The following NHERF2 variants were observed in gnomAD, a reference collection of about 807,000 sequenced individuals.
NHERF2 encodes the protein NHERF family PDZ scaffold protein 2, also known as Na(+)/H(+) exchange regulatory cofactor NHE-RF2.
the NHERF2 span, among the ~76,000 whole-genome samples, chr16:2,030,678 CCTGTAATCCCAACACTTCGGGAGG>C: frequency 6.6e-6 from 1 of 151,000 alleles, no homozygotes; most frequent in Non-Finnish European, 1.5e-5. Context: ...GTGGCTCACG[CCTGTAATCCCAACACTTCGGGAGG>C]CTGAGATGGG....
the NHERF2 span, among the ~76,000 whole-genome samples, chr16:2,030,616 AC>A: frequency 1.6e-5 from 2 of 127,238 alleles, no homozygotes; most frequent in African/African-American, 6.6e-5. Flanking sequence ...GTTCTCTCCT[AC>A]CTTTTTTTTT....
chr16:2,033,285 GGGTCGGCC>G, the NHERF2 span: 4 of 1,531,662 alleles, frequency 2.6e-6, no homozygotes, highest in South Asian at 1.2e-5. Context: ...GTGGCAGCCT[GGGTCGGCC>G]AGAGAGTTCA....
At chr16:2,034,015 G>C in the NHERF2 span, among the ~76,000 whole-genome samples, 1 of 152,188 alleles carries the variant, frequency 6.6e-6, no homozygotes. Context: ...GGGGTGGCCA[G>C]AATGACCCTG....
chr16:2,034,006 G>A, the NHERF2 span, among the ~76,000 whole-genome samples: 1 of 152,160 alleles, frequency 6.6e-6, no homozygotes, highest in Non-Finnish European at 1.5e-5. Context: ...AGAGGCAGAG[G>A]GGTGGCCAGA....
At chr16:2,035,775 C>A in the NHERF2 span, 2 of 760,780 alleles carry the variant, frequency 2.6e-6, no homozygotes, top group Non-Finnish European at 3.2e-6. Context: ...CCACACTAAG[C>A]TCCTGCCCCA....
chr16:2,033,794 G>A, the NHERF2 span, among the ~76,000 whole-genome samples: 4 of 152,132 alleles, frequency 2.6e-5, no homozygotes, highest in African/African-American at 7.2e-5. Flanking sequence ...AACGCCGCCC[G>A]AGCTCCTCGG....
the NHERF2 span, chr16:2,038,842 C>T: frequency 6.4e-6 from 1 of 155,838 alleles, no homozygotes; most frequent in Non-Finnish European, 1.4e-5. Flanking sequence ...AGAGCGGCAC[C>T]CGGGAAGGAC....
the NHERF2 span, chr16:2,032,823 G>GGCCC: frequency 1.0e-6 from 1 of 997,330 alleles, no homozygotes; most frequent in East Asian, 1.1e-4. The surrounding 1 kb of genome is among the most constrained non-coding windows in gnomAD (Gnocchi z 4.0). Context: ...AGCGGTGCCA[G>GGCCC]GCCCTGGAGG....
the NHERF2 span, chr16:2,037,561 G>A: frequency 0.044 from 71,038 of 1,612,118 alleles, 1,881 homozygotes; most frequent in African/African-American, 0.11. Flanking sequence ...CTGCGTGCTC[G>A]TCCCGAAGTG....
chr16:2,028,918 TC>T, the NHERF2 span, among the ~76,000 whole-genome samples: 2 of 152,136 alleles, frequency 1.3e-5, no homozygotes, highest in Middle Eastern at 3.4e-3. Flanking sequence ...CACCTGCCTC[TC>T]CCCCTCGCCG....
At chr16:2,028,866 C>T in the NHERF2 span, among the ~76,000 whole-genome samples, 3 of 152,316 alleles carry the variant, frequency 2.0e-5, no homozygotes, top group South Asian at 2.1e-4. Flanking sequence ...GGCACCTGCA[C>T]GCACACACCG....
the NHERF2 span, chr16:2,036,108 G>A: frequency 1.9e-6 from 1 of 526,142 alleles, no homozygotes; most frequent in Non-Finnish European, 3.3e-6. Flanking sequence ...GGGCCCGTCG[G>A]GGAGGCTTCT....
At chr16:2,038,075 T>A in the NHERF2 span, 57 of 1,475,480 alleles carry the variant, frequency 3.9e-5, no homozygotes, top group Non-Finnish European at 5.1e-5. Flanking sequence ...CTCAGTGGAC[T>A]GGAGGGTGGT....
chr16:2,027,975 G>T, the NHERF2 span, among the ~76,000 whole-genome samples: 4 of 152,240 alleles, frequency 2.6e-5, no homozygotes, highest in Admixed American at 2.6e-4. Context: ...TGGGGTTACT[G>T]GCCGAAGCCT....
chr16:2,032,122 C>T, the NHERF2 span, among the ~76,000 whole-genome samples: 6 of 151,292 alleles, frequency 4.0e-5, no homozygotes, highest in Non-Finnish European at 7.4e-5. This position sits in a 1 kb window ranked among gnomAD's most constrained non-coding sequence, Gnocchi z 4.0. Context: ...TGGGTTCAAG[C>T]AATTCTTATG....
At chr16:2,031,513 C>T in the NHERF2 span, among the ~76,000 whole-genome samples, 1 of 152,196 alleles carries the variant, frequency 6.6e-6, no homozygotes, top group Non-Finnish European at 1.5e-5. Flanking sequence ...GTGGCCCAGG[C>T]ACCTTGCCTT....
At chr16:2,036,009 C>A in the NHERF2 span, 2 of 366,786 alleles carry the variant, frequency 5.5e-6, no homozygotes, top group Non-Finnish European at 9.9e-6. Flanking sequence ...GGCGACAGTT[C>A]ATCCCACCTG....
the NHERF2 span, chr16:2,035,764 T>C: frequency 3.6e-6 from 3 of 824,974 alleles, no homozygotes; most frequent in Non-Finnish European, 4.4e-6. Context: ...CTGTGCCCTG[T>C]CCACACTAAG....
chr16:2,036,423 C>A, the NHERF2 span: 1 of 1,607,458 alleles, frequency 6.2e-7, no homozygotes, highest in Non-Finnish European at 8.5e-7. Flanking sequence ...CAAGTCCCGG[C>A]CCGGCCAGTA....
Sources: gnomAD v4.1 joint callset for allele counts (sites outside exome capture counted in the v4.1 genomes callset) on GRCh38, gnomAD v4.1.1 for gene constraint, Gnocchi (gnomAD v3.1) non-coding constraint, MANE v1.5 for transcripts, NCBI Gene and HGNC (gene_info 2026-07-23, HGNC 2026-07-21) for gene names.